Variants in FBXO11 observed in about 807,000 individuals in gnomAD.
FBXO11 encodes the protein F-box protein 11.
Under a neutral mutation model 117.0 loss-of-function variants are expected in FBXO11, and 13 were observed. The ratio of observed to expected loss-of-function variants is 0.11; its 90% CI spans 0.07 to 0.18. The LOEUF (loss-of-function observed/expected upper bound fraction) is 0.18, where lower values mean the gene tolerates loss of function less well. Among genes scored for constraint, FBXO11 ranks in the 10% least tolerant of loss-of-function variants. The pLI is 1.00. For missense variants in FBXO11, 767 were observed against 1,164.4 expected (o/e 0.66, Z 4.97); for synonymous variants, 490 against 380.5 (o/e 1.29, Z -3.35).
intron 1 of FBXO11, among the ~76,000 whole-genome samples, chr2:47,878,202 G>A (rs1483354450): frequency 6.6e-6 from 1 of 152,072 alleles, no homozygotes; most frequent in African/African-American, 2.4e-5. Flanking sequence ...AATAAAAACA[G>A]GCTGTTCATC....
intron 1 of FBXO11, among the ~76,000 whole-genome samples, chr2:47,902,422 G>T (rs1374454485): frequency 6.6e-6 from 1 of 152,104 alleles, no homozygotes; most frequent in African/African-American, 2.4e-5. Flanking sequence ...GCTCCCCCAT[G>T]GAAAGCTTTG....
intron 5 of FBXO11, among the ~76,000 whole-genome samples, chr2:47,835,524 A>T (rs1281300656): frequency 6.6e-6 from 1 of 151,932 alleles, no homozygotes; most frequent in Admixed American, 6.6e-5. Flanking sequence ...CTGAGACAAG[A>T]GTCTCACTCT....
intron 7 of FBXO11, among the ~76,000 whole-genome samples, chr2:47,833,700 A>G (rs777806023): frequency 2.6e-4 from 40 of 152,260 alleles, no homozygotes; most frequent in Non-Finnish European, 4.7e-4. Context: ...ATAGTACAAA[A>G]GTATTTAAAA....
At position 47,847,328 on chromosome 2, in the gene FBXO11, TTACTG is replaced by T. The variant is rs564975985; in HGVS notation, c.233-7564_233-7560del. ...CTAGGCTGTAAGCCTGTGCAGCATG[TTACTG>T]TACTGTACTGAACACTGTAGACAAT... On this transcript the variant is annotated intron_variant, in intron 1 of 22. Coordinates refer to ENST00000403359, the MANE Select transcript of FBXO11 (RefSeq NM_001190274.2). Among the ~76,000 whole-genome samples the T allele has an allele frequency of 1.3e-4, 20 of 152,304 alleles. No individual in the cohort carries two copies. The South Asian group carries it at 4.1e-3, about 32-fold the overall frequency.
intron 1 of FBXO11, among the ~76,000 whole-genome samples, chr2:47,902,540 C>T (rs982016043): frequency 6.6e-6 from 1 of 152,040 alleles, no homozygotes; most frequent in Non-Finnish European, 1.5e-5. Flanking sequence ...AATGTATGTA[C>T]AAACATGTAT....
intron 1 of FBXO11, among the ~76,000 whole-genome samples, chr2:47,844,511 GCT>G (rs774014939): frequency 0.07 from 10,657 of 152,178 alleles, 406 homozygotes; most frequent in African/African-American, 0.1. Flanking sequence ...AGCCCCCTGT[GCT>G]ATATACAGCA....
At chr2:47,817,178 T>C (rs1671064964) in intron 16 of FBXO11, among the ~76,000 whole-genome samples, 1 of 152,236 alleles carries the variant, frequency 6.6e-6, no homozygotes. Flanking sequence ...ACCTTGCACT[T>C]AGCTTTTTTT....
chr2:47,846,414 C>T (rs546230666), intron 1 of FBXO11, among the ~76,000 whole-genome samples: 18 of 152,090 alleles, frequency 1.2e-4, no homozygotes, highest in Admixed American at 6.6e-4. Flanking sequence ...CTGCGATGAG[C>T]GGAGATCATG....
At chr2:47,882,081 A>T (rs1320429568) in intron 1 of FBXO11, among the ~76,000 whole-genome samples, 1 of 152,110 alleles carries the variant, frequency 6.6e-6, no homozygotes, top group East Asian at 1.9e-4. Context: ...ATATAAATTC[A>T]CTGCTTACAC....
intron 4 of FBXO11, among the ~76,000 whole-genome samples, chr2:47,837,534 C>A (rs1342017072): frequency 3.3e-5 from 5 of 152,034 alleles, no homozygotes; most frequent in African/African-American, 1.2e-4. Flanking sequence ...TCAAAAACAA[C>A]AACAAAAACA....
chr2:47,843,412 C>A (rs920875535), intron 1 of FBXO11, among the ~76,000 whole-genome samples: 2 of 151,562 alleles, frequency 1.3e-5, no homozygotes, highest in African/African-American at 4.8e-5. Context: ...TGAAATCTCC[C>A]ACCATATTTG....
intron 1 of FBXO11, among the ~76,000 whole-genome samples, chr2:47,862,573 C>A (rs536025027): frequency 1.3e-5 from 2 of 152,244 alleles, no homozygotes; most frequent in South Asian, 2.1e-4. Context: ...TATTGTGCCA[C>A]CACGCTTGGC....
At chr2:47,891,905 T>A (rs1314510533) in intron 1 of FBXO11, among the ~76,000 whole-genome samples, 2 of 152,246 alleles carry the variant, frequency 1.3e-5, no homozygotes, top group Middle Eastern at 3.2e-3. Flanking sequence ...TTGCTTGCCA[T>A]CTGTATGTCT....
At chr2:47,898,701 C>T (rs975274270) in intron 1 of FBXO11, among the ~76,000 whole-genome samples, 1 of 152,056 alleles carries the variant, frequency 6.6e-6, no homozygotes, top group Admixed American at 6.5e-5. Context: ...GATAAGTCAA[C>T]AATCAATAGC....
chr2:47,829,519 C>T (rs963455170), intron 11 of FBXO11, among the ~76,000 whole-genome samples: 1 of 152,096 alleles, frequency 6.6e-6, no homozygotes, highest in Non-Finnish European at 1.5e-5. Context: ...GGATTATAGG[C>T]ATGAGCCACC....
intron 18 of FBXO11, chr2:47,811,345 C>T (rs1396218068): frequency 6.6e-6 from 1 of 152,266 alleles, no homozygotes; most frequent in Admixed American, 6.5e-5. Flanking sequence ...CTGCTTCAGC[C>T]TCCCAAGCAG....
At chr2:47,891,610 G>A (rs1249283110) in intron 1 of FBXO11, among the ~76,000 whole-genome samples, 1 of 152,130 alleles carries the variant, frequency 6.6e-6, no homozygotes, top group African/African-American at 2.4e-5. Flanking sequence ...TCAAGTTCCT[G>A]ATTTCATTTC....
Position 47,809,860 on chromosome 2 carries a change from C to G in FBXO11, c.2339-153G>C, listed in dbSNP as rs79024528. On this transcript the variant is annotated intron_variant, in intron 19 of 22. Coordinates refer to ENST00000403359, the MANE Select transcript of FBXO11 (RefSeq NM_001190274.2). Reference sequence around the variant, plus strand: ...AAAATGTAGATACCTATTTCAACCACCAACAGTAACATTCACTTATCAATG... The same window carrying G: ...AAAATGTAGATACCTATTTCAACCAGCAACAGTAACATTCACTTATCAATG... 121 of 561,954 alleles carry G rather than the reference C, an allele frequency of 2.2e-4. No individual in the cohort carries two copies. The East Asian group carries it at 3.4e-3, about 16-fold the overall frequency. 34.8% of individuals were successfully genotyped at this position (561,954 alleles called of 1,614,324 possible).
intron 1 of FBXO11, among the ~76,000 whole-genome samples, chr2:47,863,673 C>T (rs1033829173): frequency 2.0e-5 from 3 of 152,088 alleles, no homozygotes; most frequent in African/African-American, 7.2e-5. Flanking sequence ...ACACAAAGGC[C>T]GGGTGCGGTG....
Sources: allele counts gnomAD v4.1 joint callset (sites outside exome capture counted in the v4.1 genomes callset), GRCh38; gene constraint gnomAD v4.1.1; transcripts MANE v1.5; gene names NCBI Gene and HGNC (gene_info 2026-07-23, HGNC 2026-07-21).